Variants in ATR observed in about 807,000 individuals in gnomAD.
ATR encodes the protein ATR checkpoint kinase, also known as serine/threonine-protein kinase ATR.
In ATR, 142 loss-of-function variants were observed where a neutral mutation model predicts 305.3. That is an observed-to-expected ratio of 0.47 (90% CI 0.41 to 0.53). The LOEUF (loss-of-function observed/expected upper bound fraction) is 0.53. ATR is among the 20% of genes least tolerant of loss of function. The pLI is 0.00. For missense variants in ATR, 2,135 were observed against 3,133.1 expected (o/e 0.68, Z 7.60); for synonymous variants, 1,050 against 1,068.1 (o/e 0.98, Z 0.33).
intron 27 of ATR, among the ~76,000 whole-genome samples, chr3:142,510,680 G>T (rs1012791975): frequency 6.6e-6 from 1 of 151,628 alleles, no homozygotes; most frequent in Non-Finnish European, 1.5e-5. Context: ...GGAAGTGAAG[G>T]CCTCTTTAAG....
At chr3:142,518,228 T>C (rs1295752241) in intron 24 of ATR, among the ~76,000 whole-genome samples, 1 of 152,192 alleles carries the variant, frequency 6.6e-6, no homozygotes, top group East Asian at 1.9e-4. Flanking sequence ...ACTTTTTAAA[T>C]AATGCTAATA....
intron 14 of ATR, 79 bp downstream of exon 14, chr3:142,550,053 A>T: frequency 6.5e-7 from 1 of 1,547,232 alleles, no homozygotes; most frequent in South Asian, 1.1e-5. Flanking sequence ...CAATAATCTC[A>T]TATCAAAGTC....
chr3:142,543,348 C>T (rs941084879), intron 16 of ATR, among the ~76,000 whole-genome samples: 5 of 151,556 alleles, frequency 3.3e-5, no homozygotes, highest in African/African-American at 1.2e-4. Context: ...TAGTTCCTTC[C>T]TTCCTTCCTT....
chr3:142,541,456 C>T (rs2034050151), intron 17 of ATR, among the ~76,000 whole-genome samples: 1 of 152,052 alleles, frequency 6.6e-6, no homozygotes, highest in East Asian at 1.9e-4. Flanking sequence ...GGAATACTTC[C>T]TAGTAATCAG....
intron 45 of ATR, 70 bp from the exon 46 acceptor site, chr3:142,453,303 T>G: frequency 6.6e-7 from 1 of 1,519,266 alleles, no homozygotes; most frequent in Non-Finnish European, 9.1e-7. Context: ...CATCAATATT[T>G]AAGTGAAGGA....
intron 42 of ATR, among the ~76,000 whole-genome samples, chr3:142,460,882 C>G (rs2071010354): frequency 6.6e-6 from 1 of 152,154 alleles, no homozygotes; most frequent in East Asian, 1.9e-4. Flanking sequence ...ATGTTCATAT[C>G]TTGCGTAACA....
At chr3:142,490,870 C>T (rs2031237627) in intron 35 of ATR, among the ~76,000 whole-genome samples, 1 of 152,104 alleles carries the variant, frequency 6.6e-6, no homozygotes, top group Non-Finnish European at 1.5e-5. Flanking sequence ...GAATTTTCTA[C>T]ATATGTATTC....
rs1413085184 is a variant in ATR, at chr3:142,538,665, T to G, written c.3582-40A>C. 3 of 1,609,654 alleles carry G rather than the reference T, an allele frequency of 1.9e-6. No homozygotes were observed. In the East Asian group the frequency reaches 6.7e-5, roughly 36 times the overall value. On this transcript the variant is annotated intron_variant, in intron 18 of 46. Transcript: ENST00000350721. ...AAATAGAAATGAAGTCCAATTACTT[T>G]TATTATTTGTAAAGCTCTATCAATC...
At chr3:142,476,189 T>C (rs1370958444) in intron 36 of ATR, among the ~76,000 whole-genome samples, 2 of 152,200 alleles carry the variant, frequency 1.3e-5, no homozygotes, top group Non-Finnish European at 2.9e-5. Context: ...TCCCAAATGG[T>C]ATTGCCTAGG....
In ATR at chr3:142,562,779, G is replaced by A. The variant is rs763494560; in HGVS notation, c.623C>T (p.Thr208Ile). 8 of 1,608,544 alleles carry A rather than the reference G, an allele frequency of 5.0e-6. No homozygotes were observed. Among genetic ancestry groups the A allele is most frequent in the Non-Finnish European group, 5.9e-6 (7 of 1,178,076 alleles). The change falls in exon 4 of 47, where the codon ACT (threonine) becomes ATT (isoleucine). Residue 208 changes from threonine to isoleucine, a missense_variant. By Grantham distance (89) the Thr-to-Ile change is moderately conservative. Coordinates refer to ENST00000350721, the MANE Select transcript of ATR (RefSeq NM_001184.4). ...SMQNLEFIEV[T>I]LLMVLTRIIA... ...AATACGAGTAAGAACCATTAATAAAGTGACTTCAATAAATTCTAAATTTTG... is the reference window on the plus strand; with the variant it reads ...AATACGAGTAAGAACCATTAATAAAATGACTTCAATAAATTCTAAATTTTG...
intron 38 of ATR, among the ~76,000 whole-genome samples, chr3:142,468,671 G>A (rs1242475598): frequency 6.6e-6 from 1 of 151,960 alleles, no homozygotes; most frequent in African/African-American, 2.4e-5. Context: ...CATTAATGAT[G>A]CAATAACGGT....
intron 3 of ATR, among the ~76,000 whole-genome samples, chr3:142,563,724 A>G (rs2034965652): frequency 6.6e-6 from 1 of 152,196 alleles, no homozygotes; most frequent in South Asian, 2.1e-4. Context: ...ATCAAAAGCT[A>G]GAAATGATTA....
chr3:142,522,674 G>A (rs1269825774), intron 23 of ATR, 54 bp downstream of exon 23: 58 of 1,396,730 alleles, frequency 4.2e-5, no homozygotes, highest in Non-Finnish European at 5.0e-5. Flanking sequence ...AATTTACAAC[G>A]TTCTTATTTG....
At chr3:142,519,497 T>G (rs1383828683) in intron 24 of ATR, among the ~76,000 whole-genome samples, 172 bp downstream of exon 24, 1 of 152,088 alleles carries the variant, frequency 6.6e-6, no homozygotes, top group Non-Finnish European at 1.5e-5. Flanking sequence ...AGATGGCGTT[T>G]CACCATGTTG....
chr3:142,499,419 C>G (rs1159866596), intron 31 of ATR, among the ~76,000 whole-genome samples: 45 of 151,898 alleles, frequency 3.0e-4, no homozygotes, highest in Non-Finnish European at 1.5e-5. Context: ...CTCAGCCTCC[C>G]GAGTAGTTGG....
chr3:142,507,512 A>G (rs754302301), intron 28 of ATR, among the ~76,000 whole-genome samples: 8 of 152,222 alleles, frequency 5.3e-5, no homozygotes, highest in Non-Finnish European at 1.0e-4. Context: ...AGTTTGGGCA[A>G]CTTAAAAAGT....
chr3:142,467,147 C>T lies in ATR; in HGVS notation c.6688-614G>A, dbSNP rs924903969. ...TAGTCTGTATCTTTTCATCTATAAA[C>T]ACTGATGCACTCTGAATATTTGTCA... is the stretch of plus-strand genomic sequence containing the variant. On this transcript the variant is annotated intron_variant, in intron 39 of 46. Transcript: ENST00000350721. 3.9e-5 allele frequency among the ~76,000 whole-genome samples: 6 copies of T among 152,118 alleles called. No individual in the cohort carries two copies. In the South Asian group the frequency reaches 1.0e-3, roughly 26 times the overall value.
At chr3:142,521,332 T>G (rs996830280) in intron 23 of ATR, among the ~76,000 whole-genome samples, 2 of 152,210 alleles carry the variant, frequency 1.3e-5, no homozygotes, top group African/African-American at 2.4e-5. Flanking sequence ...CTGGGAGCTC[T>G]GATGGAGCTA....
Position 142,459,190 on chromosome 3 carries a change from T to G in ATR, c.7349+37A>C, listed in dbSNP as rs368562492. Reference sequence around the variant, plus strand: ...AATCTAAAATATTAAAAATAAACATTCAACCATAACAACGTATTATATTCT... The same window carrying G: ...AATCTAAAATATTAAAAATAAACATGCAACCATAACAACGTATTATATTCT... On this transcript the variant is annotated intron_variant, in intron 43 of 46. Transcript: ENST00000350721. 4 of 1,613,172 alleles carry G rather than the reference T, an allele frequency of 2.5e-6. No individual in the cohort carries two copies. In the African/African-American group the frequency reaches 5.3e-5, roughly 22 times the overall value.
Sources: allele counts gnomAD v4.1 joint callset (sites outside exome capture counted in the v4.1 genomes callset), GRCh38; gene constraint gnomAD v4.1.1; transcripts MANE v1.5; gene names NCBI Gene and HGNC (gene_info 2026-07-23, HGNC 2026-07-21).